GRIA4: variants seen among roughly 807,000 people sequenced by gnomAD.
The protein encoded by GRIA4 is glutamate ionotropic receptor AMPA type subunit 4, also known as glutamate receptor 4.
GRIA4 carries 34 observed loss-of-function variants against 104.0 expected under a neutral mutation model. The ratio of observed to expected loss-of-function variants is 0.33; its 90% confidence interval spans 0.25 to 0.44. GRIA4 has a LOEUF of 0.44. Among genes scored for constraint, GRIA4 ranks in the 20% least tolerant of loss-of-function variants. The probability of loss-of-function intolerance (pLI) is 1.00; values close to 1 mark genes in which losing one functional copy is unlikely to be tolerated. For synonymous variants in GRIA4, 386 were observed against 381.9 expected, an observed-to-expected ratio of 1.01 and a Z score of -0.13; for missense variants, 750 against 1,096.5, an observed-to-expected ratio of 0.68 and a Z score of 4.46.
At chr11:105,871,892 T>C (rs949643668) in intron 5 of GRIA4, among the ~76,000 whole-genome samples, 2 of 152,082 alleles carry the variant, frequency 1.3e-5, no homozygotes, top group African/African-American at 4.8e-5. Context: ...GAGTCATTTT[T>C]GTGGGTATAG....
At chr11:105,927,129 C>G (rs1003194205) in intron 13 of GRIA4, among the ~76,000 whole-genome samples, 190 bp downstream of exon 13, 2 of 152,018 alleles carry the variant, frequency 1.3e-5, no homozygotes, top group African/African-American at 4.8e-5. Flanking sequence ...TTGACTTATT[C>G]ATATTGCAAG....
intron 4 of GRIA4, among the ~76,000 whole-genome samples, chr11:105,855,772 A>C (rs968176501): frequency 6.6e-6 from 1 of 152,164 alleles, no homozygotes; most frequent in Non-Finnish European, 1.5e-5. Context: ...TTCAAAATCT[A>C]CAGATTGTTT....
intron 3 of GRIA4, among the ~76,000 whole-genome samples, chr11:105,616,927 T>G (rs996690698): frequency 3.6e-4 from 54 of 151,688 alleles, no homozygotes; most frequent in African/African-American, 1.3e-3. Flanking sequence ...ATGAGTCATA[T>G]TCTTATAGTT....
intron 4 of GRIA4, among the ~76,000 whole-genome samples, chr11:105,765,971 C>T (rs1336009950): frequency 1.3e-5 from 2 of 151,946 alleles, no homozygotes; most frequent in African/African-American, 4.8e-5. Context: ...ATGAAAATAC[C>T]TTTTCAAAAC....
chr11:105,625,667 G>A (rs574596981), intron 3 of GRIA4, among the ~76,000 whole-genome samples: 1 of 152,040 alleles, frequency 6.6e-6, no homozygotes, highest in African/African-American at 2.4e-5. Context: ...GGCCTGACCT[G>A]TTCTGTCTGG....
At position 105,980,261 on chromosome 11, in the gene GRIA4, G is replaced by GA. The variant is rs34706698; in HGVS notation, c.*531dup. 84,314 of 151,266 alleles carry GA rather than the reference G, an allele frequency of 0.56. 23,471 individuals are homozygous for GA. Among genetic ancestry groups the GA allele is most frequent in the Middle Eastern group, 0.62 (183 of 294 alleles). 9.4% of individuals were successfully genotyped at this position (151,266 alleles called of 1,614,324 possible). ...ATGAACAAACATGTAAAACCTGTGG[G>GA]AAAAAAAAATAAAGGAAGTATGTAC... On this transcript the variant is annotated 3_prime_UTR_variant, in exon 17 of 17. Transcript: ENST00000282499.
intron 4 of GRIA4, among the ~76,000 whole-genome samples, chr11:105,762,720 A>C (rs1940724857): frequency 6.6e-6 from 1 of 152,122 alleles, no homozygotes; most frequent in African/African-American, 2.4e-5. Context: ...TGGTTTTATA[A>C]AGGGAAGTTC....
Position 105,881,763 on chromosome 11 carries a change from G to C in GRIA4, c.673-5756G>C, listed in dbSNP as rs1438030901. Among the ~76,000 whole-genome samples the C allele has an allele frequency of 2.0e-5, 3 of 152,012 alleles. No homozygotes were observed. In the South Asian group the frequency reaches 6.2e-4, roughly 32 times the overall value. ...CACAGACCTACACACAAATTTGTAC[G>C]TGCATTGGTGTATCATTTCCTTTAA... On this transcript the variant is annotated intron_variant, in intron 5 of 16. Coordinates refer to ENST00000282499, the MANE Select transcript of GRIA4 (RefSeq NM_000829.4).
chr11:105,744,092 G>A (rs1939498409), intron 3 of GRIA4, among the ~76,000 whole-genome samples: 3 of 152,120 alleles, frequency 2.0e-5, no homozygotes, highest in African/African-American at 7.2e-5. Context: ...TCCACCCTCT[G>A]AGAAGTACCT....
At chr11:105,626,709 G>A (rs1454177450) in intron 3 of GRIA4, among the ~76,000 whole-genome samples, 1 of 152,170 alleles carries the variant, frequency 6.6e-6, no homozygotes, top group African/African-American at 2.4e-5. Context: ...GATCATGAGA[G>A]TTCTCCATCT....
intron 3 of GRIA4, among the ~76,000 whole-genome samples, chr11:105,752,778 T>C (rs1177772022): frequency 6.6e-6 from 1 of 152,206 alleles, no homozygotes; most frequent in African/African-American, 2.4e-5. Flanking sequence ...CTTCACTCAA[T>C]GTAAGCCTTT....
chr11:105,649,921 C>A (rs75440534), intron 3 of GRIA4, among the ~76,000 whole-genome samples: 4,248 of 152,002 alleles, frequency 0.028, 120 homozygotes, highest in African/African-American at 0.07. Flanking sequence ...ATAGAATTGA[C>A]TCATATAATA....
chr11:105,849,633 T>G (rs941926162), intron 4 of GRIA4, among the ~76,000 whole-genome samples: 3 of 152,168 alleles, frequency 2.0e-5, no homozygotes, highest in African/African-American at 4.8e-5. Flanking sequence ...GCAGGACCAG[T>G]GCAGAAGCCT....
chr11:105,662,155 T>C (rs982426918), intron 3 of GRIA4, among the ~76,000 whole-genome samples: 2 of 151,892 alleles, frequency 1.3e-5, no homozygotes, highest in Admixed American at 6.6e-5. Flanking sequence ...TAATCATTGT[T>C]GATGCACTTA....
chr11:105,841,791 C>T (rs1046174060), intron 4 of GRIA4, among the ~76,000 whole-genome samples: 7 of 152,042 alleles, frequency 4.6e-5, no homozygotes, highest in Non-Finnish European at 1.0e-4. Context: ...CACTCCAGTT[C>T]GGATATGCAG....
intron 4 of GRIA4, among the ~76,000 whole-genome samples, chr11:105,846,505 C>T (rs1223888329): frequency 6.6e-6 from 1 of 151,926 alleles, no homozygotes; most frequent in Non-Finnish European, 1.5e-5. Context: ...AATTCACACA[C>T]ATATGACTAT....
At chr11:105,643,554 C>A (rs1951431773) in intron 3 of GRIA4, among the ~76,000 whole-genome samples, 3 of 152,146 alleles carry the variant, frequency 2.0e-5, no homozygotes, top group Admixed American at 2.0e-4. Context: ...CCTTGGCTCT[C>A]TTTCGTTCCT....
chr11:105,810,252 C>T (rs968874888), intron 4 of GRIA4, among the ~76,000 whole-genome samples: 20 of 152,170 alleles, frequency 1.3e-4, no homozygotes, highest in Non-Finnish European at 2.6e-4. Context: ...AATAGCATGA[C>T]AGCCTTGTTG....
Position 105,980,998 on chromosome 11 carries a change from A to T in GRIA4, c.*1259A>T, listed in dbSNP as rs566511676. The T allele has an allele frequency of 2.6e-5, 4 of 152,740 alleles. No homozygotes were observed. The South Asian group carries it at 8.3e-4, about 32-fold the overall frequency. The allele number at this position is 152,740 out of a possible 1,614,324, so 9.5% of individuals were successfully genotyped here. ...TGACTGTATTTTGCTGCATAAAATT[A>T]TGTGTCTCTTGGGCTTCTTCCCTTA... On this transcript the variant is annotated 3_prime_UTR_variant, in exon 17 of 17. Coordinates refer to ENST00000282499, the MANE Select transcript of GRIA4 (RefSeq NM_000829.4).
Sources: allele counts gnomAD v4.1 joint callset (sites outside exome capture counted in the v4.1 genomes callset), GRCh38; gene constraint gnomAD v4.1.1; transcripts MANE v1.5; gene names NCBI Gene and HGNC (gene_info 2026-07-23, HGNC 2026-07-21).